The following NKAIN2 variants were observed in gnomAD, a reference collection of about 807,000 sequenced individuals.
NKAIN2 encodes sodium/potassium-transporting ATPase subunit beta-1-interacting protein 2.
NKAIN2 carries 14 observed loss-of-function variants against 32.6 expected under a neutral mutation model. The ratio of observed to expected loss-of-function variants is 0.43; its 90% CI spans 0.28 to 0.67. The LOEUF (loss-of-function observed/expected upper bound fraction) is 0.67. Ranked by LOEUF, NKAIN2 falls within the 30% of genes least tolerant of loss-of-function variation. The pLI is 0.17. For synonymous variants in NKAIN2, 80 were observed against 87.2 expected (o/e 0.92, Z 0.46); for missense variants, 198 against 258.3 (o/e 0.77, Z 1.60).
At chr6:124,521,108 A>G (rs544463956) in intron 3 of NKAIN2, among the ~76,000 whole-genome samples, 1 of 152,116 alleles carries the variant, frequency 6.6e-6, no homozygotes, top group South Asian at 2.1e-4. Context: ...CCCTTTTCCA[A>G]TTTGTATGCT....
chr6:123,804,039 C>G lies in NKAIN2; in HGVS notation c.-162C>G. ...GCCGCCGCCGCCGCGCCAGCAGGTCCTAATGCCTGTCACTTCCCAGGACGC... is the reference window on the plus strand; with the variant it reads ...GCCGCCGCCGCCGCGCCAGCAGGTCGTAATGCCTGTCACTTCCCAGGACGC... On this transcript the variant is annotated 5_prime_UTR_variant, in exon 1 of 7. Transcript: ENST00000368417. 1 of 733,630 alleles carries G rather than the reference C, an allele frequency of 1.4e-6. No individual in the cohort carries two copies. Among genetic ancestry groups the G allele is most frequent in the South Asian group, 1.5e-5 (1 of 64,880 alleles). The allele number at this position is 733,630 out of a possible 1,614,324, so 45.4% of individuals were successfully genotyped here.
intron 1 of NKAIN2, among the ~76,000 whole-genome samples, chr6:123,958,985 C>G (rs896834971): frequency 6.6e-6 from 1 of 152,152 alleles, no homozygotes; most frequent in Non-Finnish European, 1.5e-5. Flanking sequence ...TTCTTTGAAA[C>G]CAATCCCAGG....
At chr6:124,371,617 T>C (rs937285308) in intron 3 of NKAIN2, among the ~76,000 whole-genome samples, 12 of 146,686 alleles carry the variant, frequency 8.2e-5, no homozygotes, top group African/African-American at 3.0e-4. Context: ...TCGCTTGAAC[T>C]TGGGAGGCAA....
chr6:124,240,850 C>G (rs1216309695), intron 1 of NKAIN2, among the ~76,000 whole-genome samples: 3 of 152,146 alleles, frequency 2.0e-5, no homozygotes, highest in Non-Finnish European at 4.4e-5. Context: ...GGGATACCCT[C>G]TCTCACCACT....
intron 1 of NKAIN2, among the ~76,000 whole-genome samples, chr6:123,824,149 A>G (rs187122510): frequency 1.4e-4 from 22 of 152,254 alleles, no homozygotes; most frequent in African/African-American, 5.1e-4. Flanking sequence ...TATTATATAT[A>G]GAAATACAAC....
At chr6:123,853,755 A>T (rs998141181) in intron 1 of NKAIN2, among the ~76,000 whole-genome samples, 2 of 152,076 alleles carry the variant, frequency 1.3e-5, no homozygotes, top group African/African-American at 4.8e-5. Flanking sequence ...ATTTGAATGA[A>T]ATTGTAAAAG....
chr6:124,038,509 G>A (rs900302769), intron 1 of NKAIN2, among the ~76,000 whole-genome samples: 4 of 152,094 alleles, frequency 2.6e-5, no homozygotes, highest in African/African-American at 4.8e-5. Context: ...CACTATGTCC[G>A]GCCTATGTGA....
At position 124,118,193 on chromosome 6, in the gene NKAIN2, C is replaced by T. The variant is rs759243920; in HGVS notation, c.55-164812C>T. Among the ~76,000 whole-genome samples the T allele has an allele frequency of 7.2e-5, 11 of 152,220 alleles. No homozygotes were observed. The South Asian group carries it at 1.5e-3, about 20-fold the overall frequency. ...TTCTTTCAGGTCTTTTTCTTTAGAA[C>T]TGATACTCTCATTTATTTATATCCA... On this transcript the variant is annotated intron_variant, in intron 1 of 6. Coordinates refer to ENST00000368417, the MANE Select transcript of NKAIN2 (RefSeq NM_001040214.3).
intron 3 of NKAIN2, among the ~76,000 whole-genome samples, chr6:124,573,252 C>T (rs1393752097): frequency 6.6e-6 from 1 of 152,188 alleles, no homozygotes; most frequent in Admixed American, 6.5e-5. Context: ...CACTGTTATA[C>T]AATGTTGTTT....
At chr6:124,624,143 C>T (rs570646685) in intron 3 of NKAIN2, among the ~76,000 whole-genome samples, 1 of 152,194 alleles carries the variant, frequency 6.6e-6, no homozygotes, top group Non-Finnish European at 1.5e-5. Context: ...TCCTGGGACC[C>T]TTATGTTAAG....
intron 4 of NKAIN2, among the ~76,000 whole-genome samples, chr6:124,702,717 T>C (rs1047628496): frequency 3.3e-5 from 5 of 152,094 alleles, no homozygotes; most frequent in African/African-American, 1.2e-4. Context: ...AGCCACAGAA[T>C]GTAAAATTTT....
intron 3 of NKAIN2, among the ~76,000 whole-genome samples, chr6:124,428,588 A>C (rs1775079312): frequency 6.6e-6 from 1 of 152,214 alleles, no homozygotes; most frequent in Admixed American, 6.5e-5. Flanking sequence ...GAAAAAACAG[A>C]AGCAAAATAT....
chr6:124,289,954 G>C (rs539089943), intron 2 of NKAIN2, among the ~76,000 whole-genome samples: 66 of 152,222 alleles, frequency 4.3e-4, no homozygotes, highest in African/African-American at 1.5e-3. Flanking sequence ...GATTAGAGAT[G>C]AAGAGACTTG....
intron 4 of NKAIN2, among the ~76,000 whole-genome samples, chr6:124,777,469 C>G (rs1025129668): frequency 1.3e-5 from 2 of 152,150 alleles, no homozygotes; most frequent in Non-Finnish European, 2.9e-5. Flanking sequence ...AATATAATAA[C>G]TATACCTATC....
At chr6:124,207,213 G>A (rs944402728) in intron 1 of NKAIN2, among the ~76,000 whole-genome samples, 12 of 151,504 alleles carry the variant, frequency 7.9e-5, no homozygotes, top group African/African-American at 2.9e-4. Context: ...GATAACTTGA[G>A]CCCAGTAGTT....
chr6:124,389,218 T>A (rs568458278), intron 3 of NKAIN2, among the ~76,000 whole-genome samples: 3 of 152,084 alleles, frequency 2.0e-5, no homozygotes, highest in South Asian at 4.1e-4. Flanking sequence ...ATTATTGGAA[T>A]GAGACTTAAG....
At chr6:123,831,752 T>A (rs1454619299) in intron 1 of NKAIN2, among the ~76,000 whole-genome samples, 1 of 149,716 alleles carries the variant, frequency 6.7e-6, no homozygotes, top group Non-Finnish European at 1.5e-5. Context: ...GCCTCCCGGG[T>A]TCATGCCATT....
intron 1 of NKAIN2, among the ~76,000 whole-genome samples, chr6:124,029,567 T>C (rs1182972007): frequency 6.6e-6 from 1 of 152,174 alleles, no homozygotes; most frequent in Non-Finnish European, 1.5e-5. Context: ...TTTAAGTTTA[T>C]TACTTTTAAG....
chr6:124,378,752 C>G (rs938414794), intron 3 of NKAIN2, among the ~76,000 whole-genome samples: 1 of 151,920 alleles, frequency 6.6e-6, no homozygotes, highest in Non-Finnish European at 1.5e-5. Context: ...GCTGCAATTT[C>G]CATGGTGGTG....
Sources: gnomAD v4.1 joint callset for allele counts (sites outside exome capture counted in the v4.1 genomes callset) on GRCh38, gnomAD v4.1.1 for gene constraint, MANE v1.5 for transcripts, NCBI Gene and HGNC (gene_info 2026-07-23, HGNC 2026-07-21) for gene names.